Variants in AZGP1 observed in about 807,000 individuals in gnomAD.
AZGP1 encodes the protein alpha-2-glycoprotein 1, zinc-binding, also known as zinc-alpha-2-glycoprotein.
AZGP1 carries 28 observed loss-of-function variants against 31.5 expected under a neutral mutation model. That is an observed-to-expected ratio of 0.89 (90% CI 0.66 to 1.22). The LOEUF is 1.22. Among genes scored for constraint, AZGP1 ranks in the 50% most tolerant of loss-of-function variants. AZGP1 has a pLI of 0.00. For synonymous variants in AZGP1, 135 were observed against 145.4 expected (o/e 0.93, Z 0.51); for missense variants, 361 against 371.8 (o/e 0.97, Z 0.24).
intron 3 of AZGP1, 53 bp downstream of exon 3, chr7:99,968,102 G>A: frequency 6.2e-7 from 1 of 1,602,422 alleles, no homozygotes; most frequent in South Asian, 1.1e-5. Flanking sequence ...CTCCTAGCCT[G>A]AGATCGTCTT....
chr7:99,972,090 C>T (rs1262499378), intron 1 of AZGP1, 84 bp from the exon 2 acceptor site: 3 of 1,454,344 alleles, frequency 2.1e-6, no homozygotes, highest in Non-Finnish European at 2.8e-6. Flanking sequence ...GGAGACCTGC[C>T]ACTGGCCTTT....
At chr7:99,970,451 C>T (rs534099571) in intron 2 of AZGP1, among the ~76,000 whole-genome samples, 11 of 152,032 alleles carry the variant, frequency 7.2e-5, no homozygotes, top group African/African-American at 1.2e-4. Flanking sequence ...CCATGTTGGC[C>T]GGGCTGGTCT....
Position 99,966,872 on chromosome 7 carries a change from G to A in AZGP1, c.*131C>T. ...TCTTCGGTCTCCAAATCCACCTCCT[G>A]TCTGTCCCCCCACACTGCTCCTCAG... is the stretch of plus-strand genomic sequence containing the variant. On this transcript the variant is annotated 3_prime_UTR_variant, in exon 4 of 4. Coordinates refer to ENST00000292401, the MANE Select transcript of AZGP1 (RefSeq NM_001185.4). 7.4e-7 allele frequency: 1 copy of A among 1,352,088 alleles called. No individual in the cohort carries two copies. The highest frequency in any genetic ancestry group is 2.3e-5 in the East Asian group (1 of 43,238). The allele number at this position is 1,352,088 out of a possible 1,614,324, so 83.8% of individuals were successfully genotyped here.
At chr7:99,970,350 T>G (rs955232419) in intron 2 of AZGP1, among the ~76,000 whole-genome samples, 3 of 152,096 alleles carry the variant, frequency 2.0e-5, no homozygotes, top group Non-Finnish European at 4.4e-5. Context: ...TTCAAGCAAT[T>G]CTCCTGCCTC....
intron 3 of AZGP1, 23 bp from the exon 4 acceptor site, chr7:99,967,309 A>C (rs1789499028): frequency 6.2e-7 from 1 of 1,606,414 alleles, no homozygotes. Flanking sequence ...AGAGTGTGAC[A>C]CTGCAGGCTT....
chr7:99,973,658 G>A (rs1325692807), intron 1 of AZGP1, among the ~76,000 whole-genome samples: 1 of 152,012 alleles, frequency 6.6e-6, no homozygotes, highest in Non-Finnish European at 1.5e-5. Flanking sequence ...GCTCATGCCT[G>A]TAATTCCAAC....
intron 1 of AZGP1, among the ~76,000 whole-genome samples, chr7:99,974,995 C>T (rs1026038302): frequency 4.6e-5 from 7 of 152,110 alleles, no homozygotes; most frequent in South Asian, 2.1e-4. Context: ...GCCTGCTGGC[C>T]GGCTCTGAAG....
At chr7:99,975,906 A>G (rs777137887) in intron 1 of AZGP1, 39 bp downstream of exon 1, 2 of 1,607,182 alleles carry the variant, frequency 1.2e-6, no homozygotes, top group South Asian at 2.2e-5. Context: ...ACCTCCTTCC[A>G]GTCCTCTCCA....
In AZGP1 at chr7:99,975,973, A is replaced by G; in HGVS notation, c.48T>C (p.Gly16=). The change falls in exon 1 of 4, where the codon GGT becomes GGC. Residue 16 remains glycine, a synonymous_variant. Transcript: ENST00000292401. ...CTTGGTTCTCCTGGGGGACAGCAGG[A>G]CCCAGAAGCAGCAGCAGAGACAGCA... ...PVLLSLLLLL[G]PAVPQENQDG... 1 of 1,614,018 alleles carries G rather than the reference A, an allele frequency of 6.2e-7. No homozygotes were observed. The highest frequency in any genetic ancestry group is 2.2e-5 in the East Asian group (1 of 44,874).
chr7:99,967,154 T>A lies in AZGP1; in HGVS notation c.746A>T (p.Glu249Val). The change falls in exon 4 of 4, where the codon GAG becomes GTG. Residue 249 changes from glutamate to valine, a missense_variant. By Grantham distance (121) the Glu-to-Val change is moderately radical. Coordinates refer to ENST00000292401, the MANE Select transcript of AZGP1 (RefSeq NM_001185.4). ...WTRAGEVQEP[E>V]LRGDVLHNGN... The stretch of plus-strand genomic sequence containing the variant: ...ATTGTGAAGAACATCTCCCCGTAAC[T>A]CAGGCTCCTGCACCTCGCCGGCCCG... The A allele has an allele frequency of 6.2e-7, 1 of 1,614,140 alleles. No individual in the cohort carries two copies. Among genetic ancestry groups the A allele is most frequent in the Non-Finnish European group, 8.5e-7 (1 of 1,180,016 alleles).
chr7:99,967,079 T>C lies in AZGP1; in HGVS notation c.821A>G (p.Asp274Gly), dbSNP rs376472652. 1.9e-6 allele frequency: 3 copies of C among 1,614,030 alleles called. No homozygotes were observed. The African/African-American group carries it at 4.0e-5, about 22-fold the overall frequency. Reference sequence around the variant, plus strand: ...CACGTGGCAGGAGTAGGGGGCTGTGTCCTGCGGGGGCACTGCCACCACCAC... The same window carrying C: ...CACGTGGCAGGAGTAGGGGGCTGTGCCCTGCGGGGGCACTGCCACCACCAC... ...SWVVVAVPPQ[D>G]TAPYSCHVQH... Residue 274 changes from aspartate (D) to glycine (G), a missense_variant, in exon 4 of 4, where the codon GAC becomes GGC. Transcript: ENST00000292401.
chr7:99,967,746 G>A (rs948412832), intron 3 of AZGP1: 23 of 447,330 alleles, frequency 5.1e-5, no homozygotes, highest in South Asian at 9.4e-5. Context: ...CATTTTACAC[G>A]CCTCCCTTCT....
At chr7:99,972,840 G>A (rs918036915) in intron 1 of AZGP1, among the ~76,000 whole-genome samples, 4 of 151,916 alleles carry the variant, frequency 2.6e-5, no homozygotes, top group African/African-American at 4.8e-5. Flanking sequence ...CATTTCGTCC[G>A]GGCTCAGTGG....
chr7:99,967,802 T>C (rs1044778351), intron 3 of AZGP1: 9 of 532,936 alleles, frequency 1.7e-5, no homozygotes, highest in Middle Eastern at 9.7e-4. Context: ...TAAAAAACGA[T>C]GGGATTTGGA....
intron 1 of AZGP1, among the ~76,000 whole-genome samples, chr7:99,973,368 T>C (rs530519888): frequency 6.6e-6 from 1 of 152,216 alleles, no homozygotes; most frequent in South Asian, 2.1e-4. Flanking sequence ...GTGCTAATGA[T>C]GTTGGAGGTC....
chr7:99,975,937 C>T lies in AZGP1; in HGVS notation c.76+8G>A. On this transcript the variant is annotated splice_region_variant and intron_variant, in intron 1 of 3. Coordinates refer to ENST00000292401, the MANE Select transcript of AZGP1 (RefSeq NM_001185.4). ...CTCCAGCACCCATCCCTTGCTTTCC[C>T]CACTCACCATCTTGGTTCTCCTGGG... The T allele has an allele frequency of 6.2e-7, 1 of 1,614,052 alleles. No individual in the cohort carries two copies. The highest frequency in any genetic ancestry group is 8.5e-7 in the Non-Finnish European group (1 of 1,179,978).
chr7:99,972,514 A>C lies in AZGP1; in HGVS notation c.77-508T>G, dbSNP rs565146177. Among the ~76,000 whole-genome samples, 25 of 152,314 alleles carry C rather than the reference A, an allele frequency of 1.6e-4. 1 individual carries two copies. The highest frequency in any genetic ancestry group is 5.8e-4 in the African/African-American group (24 of 41,584). On this transcript the variant is annotated intron_variant, in intron 1 of 3. Transcript: ENST00000292401. ...GTGTGCATGGAATCTGACATGCGTT[A>C]GAAATTAACATTTCTAGGCTGGGCT...
chr7:99,970,726 C>T (rs992407759), intron 2 of AZGP1, among the ~76,000 whole-genome samples: 4 of 152,302 alleles, frequency 2.6e-5, no homozygotes, highest in East Asian at 1.9e-4. Flanking sequence ...ACCTCCCCCA[C>T]CCCACATCCT....
rs149192548 is a variant in AZGP1 at position 99,968,004 on chromosome 7, C to T, written c.613+151G>A. The T allele has an allele frequency of 2.7e-4, 294 of 1,084,986 alleles. 1 individual carries two copies. The African/African-American group carries it at 3.7e-3, about 14-fold the overall frequency. The allele number at this position is 1,084,986 out of a possible 1,614,324, so 67.2% of individuals were successfully genotyped here. A position where few individuals can be genotyped will look rare whatever the true frequency, so the allele number is the denominator to read the frequency against. On this transcript the variant is annotated intron_variant, in intron 3 of 3. Coordinates refer to ENST00000292401, the MANE Select transcript of AZGP1 (RefSeq NM_001185.4). ...TTTTGGACCACAAATTATATTATCC[C>T]AGGGAAGGAATAAATCCTAAAAGAT... is the stretch of plus-strand genomic sequence containing the variant.
Sources: allele counts gnomAD v4.1 joint callset (sites outside exome capture counted in the v4.1 genomes callset), GRCh38; gene constraint gnomAD v4.1.1; transcripts MANE v1.5; gene names NCBI Gene and HGNC (gene_info 2026-07-23, HGNC 2026-07-21).